Variants in RNF4 observed in about 807,000 individuals in gnomAD.
The protein encoded by RNF4 is E3 ubiquitin-protein ligase RNF4.
A neutral mutation model predicts 24.3 loss-of-function variants in RNF4; 7 were observed. The ratio of observed to expected loss-of-function variants is 0.29; its 90% CI spans 0.16 to 0.54. The LOEUF is 0.54. RNF4 is among the 20% of genes least tolerant of loss of function. The pLI, the probability that RNF4 is intolerant of heterozygous loss-of-function variation, is 0.95. For synonymous variants in RNF4, 83 were observed against 84.3 expected (o/e 0.98, Z 0.09); for missense variants, 209 against 248.5 (o/e 0.84, Z 1.07).
intron 4 of RNF4, among the ~76,000 whole-genome samples, chr4:2,503,857 C>G (rs968733247): frequency 6.6e-6 from 1 of 152,142 alleles, no homozygotes; most frequent in Non-Finnish European, 1.5e-5. Context: ...GAGTGCACTG[C>G]TTTAGCTCCA....
chr4:2,500,444 C>T (rs942048206), intron 3 of RNF4, among the ~76,000 whole-genome samples: 2 of 152,162 alleles, frequency 1.3e-5, no homozygotes, highest in Admixed American at 6.6e-5. Flanking sequence ...TTTGTAAAAA[C>T]CATACCTCCC....
chr4:2,481,403 A>G (rs902624415), intron 1 of RNF4, among the ~76,000 whole-genome samples: 1 of 152,104 alleles, frequency 6.6e-6, no homozygotes, highest in East Asian at 1.9e-4. Flanking sequence ...TAAGGAACAC[A>G]TATGTCCGTA....
At chr4:2,473,973 C>G (rs964247266) in intron 1 of RNF4, among the ~76,000 whole-genome samples, 3 of 152,090 alleles carry the variant, frequency 2.0e-5, no homozygotes, top group Non-Finnish European at 4.4e-5. Context: ...CCCGGCCACT[C>G]CAGAGGCTGA....
chr4:2,479,636 C>T lies in RNF4; in HGVS notation c.-158+10378C>T, dbSNP rs140679704. Among the ~76,000 whole-genome samples the T allele has an allele frequency of 8.3e-3, 1,263 of 152,246 alleles. 20 individuals carry two copies. Among genetic ancestry groups the T allele is most frequent in the African/African-American group, 0.028 (1,163 of 41,538 alleles). On this transcript the variant is annotated intron_variant, in intron 1 of 7. Transcript: ENST00000314289. ...GCCTTCCACCTTGATTGTGAGGCTT[C>T]CCCAGCCATGTGGAACTGTTAAGTT...
Position 2,485,424 on chromosome 4 carries a change from C to G in RNF4, c.-157-4913C>G, listed in dbSNP as rs150786510. 6.8e-3 allele frequency among the ~76,000 whole-genome samples: 1,038 copies of G among 152,296 alleles called. 13 individuals carry two copies. Among genetic ancestry groups the G allele is most frequent in the African/African-American group, 0.023 (960 of 41,560 alleles). ...TCACACATTCTGAAATCTCTACGTC[C>G]ATCCGAGTTCTCACTCTTGAGTTTC... is the stretch of plus-strand genomic sequence containing the variant. On this transcript the variant is annotated intron_variant, in intron 1 of 7. Transcript: ENST00000314289.
intron 1 of RNF4, chr4:2,481,325 G>C (rs1180089511): frequency 6.6e-6 from 1 of 152,140 alleles, no homozygotes; most frequent in Non-Finnish European, 1.5e-5. Context: ...TTTCAGTGTT[G>C]TGCCCTAATT....
At chr4:2,500,264 G>T (rs1264476081) in intron 3 of RNF4, among the ~76,000 whole-genome samples, 1 of 152,044 alleles carries the variant, frequency 6.6e-6, no homozygotes, top group African/African-American at 2.4e-5. Flanking sequence ...AGCTTCACCT[G>T]CTGGGAGGAG....
chr4:2,472,632 G>A (rs1734940904), intron 1 of RNF4, among the ~76,000 whole-genome samples: 2 of 151,060 alleles, frequency 1.3e-5, no homozygotes, highest in African/African-American at 2.4e-5. Flanking sequence ...GCGGCAGGGG[G>A]AAAGAAAGAA....
intron 4 of RNF4, chr4:2,505,563 G>A (rs1736068078): frequency 1.3e-5 from 2 of 150,260 alleles, no homozygotes; most frequent in Non-Finnish European, 1.5e-5. Flanking sequence ...CTGACCTCGT[G>A]ATCCGCCCGC....
chr4:2,475,180 T>A (rs1735030651), intron 1 of RNF4, among the ~76,000 whole-genome samples: 1 of 152,238 alleles, frequency 6.6e-6, no homozygotes, highest in Admixed American at 6.5e-5. Flanking sequence ...TTTTTATTTA[T>A]TTTTTAAGAG....
At chr4:2,473,387 A>T (rs1487732593) in intron 1 of RNF4, among the ~76,000 whole-genome samples, 2 of 152,200 alleles carry the variant, frequency 1.3e-5, no homozygotes, top group African/African-American at 4.8e-5. Flanking sequence ...GTCTTAAAAA[A>T]AAAAATCAAT....
intron 4 of RNF4, among the ~76,000 whole-genome samples, chr4:2,510,394 C>G (rs1736239128): frequency 6.6e-6 from 1 of 152,162 alleles, no homozygotes; most frequent in Non-Finnish European, 1.5e-5. Context: ...GCATCCACCC[C>G]CTGCACTCAT....
intron 4 of RNF4, 94 bp downstream of exon 4, chr4:2,500,832 A>G: frequency 8.6e-7 from 1 of 1,157,344 alleles, no homozygotes; most frequent in Non-Finnish European, 1.3e-6. Flanking sequence ...CTCCAAGTCA[A>G]GGTTACAGCT....
rs190798734 is a variant in RNF4, at chr4:2,470,681, A to G, written c.-158+1423A>G. On this transcript the variant is annotated intron_variant, in intron 1 of 7. Transcript: ENST00000314289. ...TGAGTAAGATTTTTCACTCTCCTCA[A>G]GATCAAAGTAGCGTATTTTTGAGGT... Among the ~76,000 whole-genome samples the G allele has an allele frequency of 1.6e-4, 24 of 152,338 alleles. No homozygotes were observed. In the East Asian group the frequency reaches 4.2e-3, roughly 27 times the overall value.
chr4:2,497,836 A>G (rs1413400399), intron 3 of RNF4, among the ~76,000 whole-genome samples: 2 of 151,978 alleles, frequency 1.3e-5, no homozygotes, highest in East Asian at 1.9e-4. Context: ...GGGTTTCACC[A>G]TGTTAGCCAG....
At chr4:2,482,849 GCCTGT>G (rs3838630) in intron 1 of RNF4, among the ~76,000 whole-genome samples, 48,547 of 151,722 alleles carry the variant, frequency 0.32, 9,174 homozygotes, top group Admixed American at 0.52. Flanking sequence ...GGTGAGAACT[GCCTGT>G]CATTGGCTGT....
In RNF4 at chr4:2,488,945, G is replaced by A. The variant is rs1189810418; in HGVS notation, c.-157-1392G>A. Among the ~76,000 whole-genome samples the A allele has an allele frequency of 2.0e-5, 3 of 152,050 alleles. No homozygotes were observed. In the East Asian group the frequency reaches 5.8e-4, roughly 29 times the overall value. On this transcript the variant is annotated intron_variant, in intron 1 of 7. Transcript: ENST00000314289. ...CCTGCCTCAGCCTCCCAAGTAGCTG[G>A]AATTACAGGCATCCACCACCACTCC...
At chr4:2,474,569 A>G (rs970952116) in intron 1 of RNF4, among the ~76,000 whole-genome samples, 5 of 152,328 alleles carry the variant, frequency 3.3e-5, no homozygotes, top group East Asian at 3.9e-4. Flanking sequence ...AGAATATTTT[A>G]TAAACTTAGT....
intron 3 of RNF4, 90 bp from the exon 4 acceptor site, chr4:2,500,569 T>TAC (rs1735879623): frequency 2.5e-6 from 3 of 1,219,780 alleles, no homozygotes; most frequent in Non-Finnish European, 3.3e-6. Flanking sequence ...GGGGTAAGCC[T>TAC]ATAACATTAG....
Sources: allele counts gnomAD v4.1 joint callset (sites outside exome capture counted in the v4.1 genomes callset), GRCh38; gene constraint gnomAD v4.1.1; transcripts MANE v1.5; gene names NCBI Gene and HGNC (gene_info 2026-07-23, HGNC 2026-07-21).